HSP90AA1: variants seen among roughly 807,000 people sequenced by gnomAD.
HSP90AA1 encodes heat shock protein 90 alpha family class A member 1.
HSP90AA1 carries 18 observed loss-of-function variants against 73.3 expected under a neutral mutation model. The observed-to-expected ratio is 0.25, with a 90% CI of 0.17 to 0.36. HSP90AA1 has a LOEUF of 0.36. Ranked by LOEUF, HSP90AA1 falls within the 10% of genes least tolerant of loss-of-function variation. The pLI is 1.00. For missense variants in HSP90AA1, 704 were observed against 874.2 expected (o/e 0.81, Z 2.45); for synonymous variants, 477 against 296.9 (o/e 1.61, Z -6.24).
upstream of HSP90AA1, among the ~76,000 whole-genome samples, chr14:102,089,223 C>G (rs959596763): frequency 1.3e-5 from 2 of 152,140 alleles, no homozygotes; most frequent in African/African-American, 4.8e-5. Flanking sequence ...GCCCGGCCAG[C>G]TCTGACATTC....
intron 2 of HSP90AA1, among the ~76,000 whole-genome samples, chr14:102,092,987 C>T (rs1323109701): frequency 1.1e-4 from 16 of 151,942 alleles, no homozygotes; most frequent in African/African-American, 1.7e-4. Flanking sequence ...TCACGTGATC[C>T]GCCTGCCTCG....
intron 9 of HSP90AA1, chr14:102,082,814 G>A: frequency 1.8e-6 from 1 of 565,240 alleles, no homozygotes; most frequent in South Asian, 1.9e-5. Context: ...TAGAGACTGA[G>A]TTTCACCGTG....
intron 1 of HSP90AA1, among the ~76,000 whole-genome samples, chr14:102,136,990 G>T (rs2152628529): frequency 6.6e-6 from 1 of 152,156 alleles, no homozygotes; most frequent in African/African-American, 2.4e-5. Flanking sequence ...GAGGTGGGTG[G>T]ATCACCTGAG....
intron 1 of HSP90AA1, among the ~76,000 whole-genome samples, chr14:102,130,880 CT>C (rs1175488809): frequency 5.3e-5 from 8 of 151,990 alleles, no homozygotes; most frequent in African/African-American, 1.9e-4. Flanking sequence ...CACCACCACG[CT>C]AATTTTTAAA....
At chr14:102,089,601 C>T (rs553013787), upstream of HSP90AA1, among the ~76,000 whole-genome samples, 31 of 152,230 alleles carry the variant, frequency 2.0e-4, no homozygotes, top group African/African-American at 7.5e-4. Context: ...AAATCTTGTC[C>T]AGCACTCTCA....
At chr14:102,105,034 T>TA (rs35769966) in intron 1 of HSP90AA1, among the ~76,000 whole-genome samples, 1,921 of 97,430 alleles carry the variant, frequency 0.02, 18 homozygotes, top group Middle Eastern at 0.026. Flanking sequence ...TCATCTCTAC[T>TA]AAAAAAAAAA....
intron 1 of HSP90AA1, chr14:102,102,089 G>T: frequency 6.2e-7 from 1 of 1,612,508 alleles, no homozygotes; most frequent in Non-Finnish European, 8.5e-7. Context: ...TGCCCTGCTG[G>T]GAACATAAAC....
rs55683551 is a variant in HSP90AA1 at position 102,098,459 on chromosome 14, CT to C, written c.366+3415del. On this transcript the variant is annotated intron_variant, in intron 2 of 11. Transcript: ENST00000334701. ...ACAGGCTTAAGCCACTGCACCTGGCCTTTTTTTTTTTTTTTTTTTTTTTGTG... is the reference window on the plus strand; with the variant it reads ...ACAGGCTTAAGCCACTGCACCTGGCCTTTTTTTTTTTTTTTTTTTTTTGTG... Among the ~76,000 whole-genome samples, 582 of 75,408 alleles carry C rather than the reference CT, an allele frequency of 7.7e-3. 1 individual carries two copies. Among genetic ancestry groups the C allele is most frequent in the African/African-American group, 0.026 (517 of 19,606 alleles). 49.5% of individuals were successfully genotyped at this position (75,408 alleles called of 152,430 possible). A position where few individuals can be genotyped will look rare whatever the true frequency, so the allele number is the denominator to read the frequency against.
Position 102,085,131 on chromosome 14 carries a change from T to C in HSP90AA1, c.664-133A>G, listed in dbSNP as rs1353618902. The C allele has an allele frequency of 4.6e-6, 7 of 1,509,686 alleles. No individual in the cohort carries two copies. The East Asian group carries it at 1.4e-4, about 29-fold the overall frequency. The allele number at this position is 1,509,686 out of a possible 1,614,324, so 93.5% of individuals were successfully genotyped here. A position where few individuals can be genotyped will look rare whatever the true frequency, so the allele number is the denominator to read the frequency against. On this transcript the variant is annotated intron_variant, in intron 4 of 10. Coordinates refer to ENST00000216281, the MANE Select transcript of HSP90AA1 (RefSeq NM_005348.4). ...GAAGCACCCAGCTTTTCATCAATAT[T>C]TGATACATCCACTTAATAGCCCGAG...
At chr14:102,097,068 A>G (rs548386537) in intron 2 of HSP90AA1, among the ~76,000 whole-genome samples, 1 of 151,990 alleles carries the variant, frequency 6.6e-6, no homozygotes, top group East Asian at 1.9e-4. Context: ...GCTCACTGCA[A>G]CCTCCACCTC....
Position 102,084,390 on chromosome 14 carries a change from T to G in HSP90AA1, c.1147+9A>C, listed in dbSNP as rs1359110036. 6.2e-7 allele frequency: 1 copy of G among 1,610,646 alleles called. No homozygotes were observed. Among genetic ancestry groups the G allele is most frequent in the Admixed American group, 1.7e-5 (1 of 59,930 alleles). On this transcript the variant is annotated intron_variant, in intron 6 of 10. Coordinates refer to ENST00000216281, the MANE Select transcript of HSP90AA1 (RefSeq NM_005348.4). Reference sequence around the variant, plus strand: ...AGTGACAGTGATTATTTTTCCTATCTATACTTACTCAGATATTCAGGGATT... The same window carrying G: ...AGTGACAGTGATTATTTTTCCTATCGATACTTACTCAGATATTCAGGGATT...
At chr14:102,133,929 T>C (rs527324596) in intron 1 of HSP90AA1, among the ~76,000 whole-genome samples, 6 of 152,172 alleles carry the variant, frequency 3.9e-5, no homozygotes, top group African/African-American at 1.2e-4. Flanking sequence ...GGTGGGTTGA[T>C]TGCTTGAGCC....
chr14:102,082,487 T>C (rs1295534319), intron 9 of HSP90AA1, 43 bp from the exon 10 acceptor site: 1 of 1,462,220 alleles, frequency 6.8e-7, no homozygotes, highest in Non-Finnish European at 9.5e-7. Flanking sequence ...AAAGATTAAT[T>C]CCTAAACTTT....
At chr14:102,099,640 G>A (rs1045883648) in intron 2 of HSP90AA1, among the ~76,000 whole-genome samples, 1 of 152,206 alleles carries the variant, frequency 6.6e-6, no homozygotes, top group African/African-American at 2.4e-5. Context: ...CATTAAAACA[G>A]CTAGCTAATT....
upstream of HSP90AA1, among the ~76,000 whole-genome samples, chr14:102,088,876 G>A (rs571069834): frequency 4.0e-5 from 6 of 151,402 alleles, no homozygotes; most frequent in African/African-American, 1.5e-4. Context: ...GCCATCCAGG[G>A]CCCTAACTCT....
At chr14:102,131,087 TC>T (rs1431385148) in intron 1 of HSP90AA1, among the ~76,000 whole-genome samples, 1 of 152,210 alleles carries the variant, frequency 6.6e-6, no homozygotes, top group African/African-American at 2.4e-5. Flanking sequence ...CAGACCTCTT[TC>T]CAGACTTGAT....
intron 1 of HSP90AA1, among the ~76,000 whole-genome samples, chr14:102,133,730 G>A (rs2049939571): frequency 2.6e-5 from 4 of 152,058 alleles, no homozygotes; most frequent in East Asian, 1.9e-4. Context: ...TGATCCGCCC[G>A]CCTCAGCCTC....
chr14:102,103,465 A>G (rs972132315), intron 1 of HSP90AA1, among the ~76,000 whole-genome samples: 3 of 151,952 alleles, frequency 2.0e-5, no homozygotes, highest in African/African-American at 7.3e-5. Flanking sequence ...AAGCAGATGG[A>G]CTGCTTGAGT....
At position 102,084,510 on chromosome 14, in the gene HSP90AA1, G is replaced by A. The variant is rs1337329354; in HGVS notation, c.1036C>T (p.Arg346Cys). 1.2e-6 allele frequency: 2 copies of A among 1,614,016 alleles called. No homozygotes were observed. Among genetic ancestry groups the A allele is most frequent in the Non-Finnish European group, 1.7e-6 (2 of 1,179,978 alleles). ...EFRALLFVPR[R>C]APFDLFENRK... ...TTTTCAAACAGATCAAAAGGAGCAC[G>A]TCGTGGGACAAATAGAAGGGCTCTG... is the stretch of plus-strand genomic sequence containing the variant. The change falls in exon 6 of 11, where the codon CGT becomes TGT. Residue 346 changes from arginine (R) to cysteine (C), a missense_variant. Physicochemically the swap from Arg to Cys is radical, Grantham distance 180 (BLOSUM62 -3). Coordinates refer to ENST00000216281, the MANE Select transcript of HSP90AA1 (RefSeq NM_005348.4).
Sources: gnomAD v4.1 joint callset for allele counts (sites outside exome capture counted in the v4.1 genomes callset) on GRCh38, gnomAD v4.1.1 for gene constraint, MANE v1.5 for transcripts, NCBI Gene and HGNC (gene_info 2026-07-23, HGNC 2026-07-21) for gene names.